Variants in BCL11A observed in about 807,000 individuals in gnomAD.
The protein encoded by BCL11A is BCL11 transcription factor A, also known as B cell CLL/lymphoma 11A.
In BCL11A, 2 loss-of-function variants were observed where a neutral mutation model predicts 55.9. The ratio of observed to expected loss-of-function variants is 0.04; its 90% CI spans 0.01 to 0.11. The LOEUF (loss-of-function observed/expected upper bound fraction) is 0.11. Among genes scored for constraint, BCL11A ranks in the 10% least tolerant of loss-of-function variants. The pLI, the probability that BCL11A is intolerant of heterozygous loss-of-function variation, is 1.00. For synonymous variants in BCL11A, 465 were observed against 473.4 expected (o/e 0.98, Z 0.23); for missense variants, 817 against 1,137.1 (o/e 0.72, Z 4.05).
downstream of BCL11A, among the ~76,000 whole-genome samples, chr2:60,453,232 A>C (rs1490424280): frequency 6.6e-6 from 1 of 152,222 alleles, no homozygotes; most frequent in African/African-American, 2.4e-5. Flanking sequence ...ATTGCACCAA[A>C]AACTGCCTGT....
Position 60,458,200 on chromosome 2 carries a change from GCATAGGAAT to G in BCL11A, c.*2195_*2203del. ...GAAAAAAGACCATAAATGTATTTTA[GCATAGGAAT>G]CAACATGAGTGTGCATTTTCCTATA... On this transcript the variant is annotated 3_prime_UTR_variant, in exon 4 of 4. Transcript: ENST00000642384. 1 of 1,022,976 alleles carries G rather than the reference GCATAGGAAT, an allele frequency of 9.8e-7. No homozygotes were observed. Among genetic ancestry groups the G allele is most frequent in the Non-Finnish European group, 1.2e-6 (1 of 851,950 alleles). The allele number at this position is 1,022,976 out of a possible 1,614,324, so 63.4% of individuals were successfully genotyped here. A position where few individuals can be genotyped will look rare whatever the true frequency, so the allele number is the denominator to read the frequency against.
chr2:60,550,316 G>A (rs558835842), intron 1 of BCL11A, among the ~76,000 whole-genome samples: 1 of 152,306 alleles, frequency 6.6e-6, no homozygotes, highest in Admixed American at 6.5e-5. Flanking sequence ...GCCCCGGCCA[G>A]AAGCATTTTT....
downstream of BCL11A, chr2:60,452,594 G>C (rs1265922527): frequency 5.6e-6 from 9 of 1,613,630 alleles, no homozygotes; most frequent in East Asian, 1.1e-4. Context: ...AAGGGCTCTC[G>C]AGCTTCCATC....
rs1677030812 is a variant in BCL11A at position 60,468,755 on chromosome 2, G to T, written c.464C>A (p.Ala155Glu). 1 of 1,612,438 alleles carries T rather than the reference G, an allele frequency of 6.2e-7. No individual in the cohort carries two copies. Among genetic ancestry groups the T allele is most frequent in the Non-Finnish European group, 8.5e-7 (1 of 1,179,180 alleles). The change falls in exon 3 of 4, where the codon GCA becomes GAA. Residue 155 changes from alanine (A) to glutamate (E), a missense_variant. Coordinates refer to ENST00000642384, the MANE Select transcript of BCL11A (RefSeq NM_022893.4). ...GALIPTPGMSAEYAPQGICKD... is the reference protein window; with the variant it reads ...GALIPTPGMSEEYAPQGICKD... ...ACAAATACCCTGCGGGGCATATTCT[G>T]CACTCATCCCAGGCGTGGGGATTAG...
At position 60,553,347 on chromosome 2, in the gene BCL11A, C is replaced by A. The variant is rs753725003; in HGVS notation, c.-77G>T. 7.5e-6 allele frequency: 11 copies of A among 1,461,780 alleles called. No homozygotes were observed. Among genetic ancestry groups the A allele is most frequent in the Non-Finnish European group, 9.2e-6 (10 of 1,087,296 alleles). The allele number at this position is 1,461,780 out of a possible 1,614,324, so 90.6% of individuals were successfully genotyped here. A position where few individuals can be genotyped will look rare whatever the true frequency, so the allele number is the denominator to read the frequency against. ...GACGGCTCGGTTCACATCGGGAGAGCCGGGTTAGAAAGAAGGAGACTCCAG... is the reference window on the plus strand; with the variant it reads ...GACGGCTCGGTTCACATCGGGAGAGACGGGTTAGAAAGAAGGAGACTCCAG... On this transcript the variant is annotated 5_prime_UTR_variant, in exon 1 of 4. Coordinates refer to ENST00000642384, the MANE Select transcript of BCL11A (RefSeq NM_022893.4).
chr2:60,545,465 C>T, intron 2 of BCL11A: 1 of 158,682 alleles, frequency 6.3e-6, no homozygotes, highest in Non-Finnish European at 1.4e-5. Flanking sequence ...CTCTTTCCAC[C>T]ACCTCCAACT....
At chr2:60,478,751 G>A (rs1313629223) in intron 2 of BCL11A, among the ~76,000 whole-genome samples, 1 of 152,218 alleles carries the variant, frequency 6.6e-6, no homozygotes, top group African/African-American at 2.4e-5. Flanking sequence ...GAATGAAGGA[G>A]CGCTCTGGTG....
rs567567156 is a variant in BCL11A at position 60,457,203 on chromosome 2, AT to A, written c.*3200del. 2.0e-6 allele frequency: 2 copies of A among 997,436 alleles called. No individual in the cohort carries two copies. Among genetic ancestry groups the A allele is most frequent in the Non-Finnish European group, 2.4e-6 (2 of 833,536 alleles). The allele number at this position is 997,436 out of a possible 1,614,324, so 61.8% of individuals were successfully genotyped here. A position where few individuals can be genotyped will look rare whatever the true frequency, so the allele number is the denominator to read the frequency against. On this transcript the variant is annotated 3_prime_UTR_variant, in exon 4 of 4. Coordinates refer to ENST00000642384, the MANE Select transcript of BCL11A (RefSeq NM_022893.4). ...CAAGAAGCTTACAATGTGTACTTTA[AT>A]TTTTTTTATTTTTTCAATAAAGGGA... is the stretch of plus-strand genomic sequence containing the variant.
At chr2:60,541,782 C>T in intron 2 of BCL11A, 3 of 560,664 alleles carry the variant, frequency 5.4e-6, no homozygotes. Flanking sequence ...TGAAAATTCA[C>T]TTCAGAAGTC....
downstream of BCL11A, among the ~76,000 whole-genome samples, chr2:60,454,253 T>C (rs979989569): frequency 2.0e-5 from 3 of 152,206 alleles, no homozygotes; most frequent in Non-Finnish European, 2.9e-5. Context: ...TGTGTTCTGA[T>C]GTCCATTTCT....
intron 1 of BCL11A, among the ~76,000 whole-genome samples, chr2:60,550,450 G>T (rs918285299): frequency 2.0e-5 from 3 of 152,170 alleles, no homozygotes; most frequent in African/African-American, 7.2e-5. Context: ...GAGAATCGCC[G>T]GGCAGGAGGT....
In BCL11A at chr2:60,546,346, G is replaced by C. The variant is rs199907978; in HGVS notation, c.56-46C>G. Reference sequence around the variant, plus strand: ...GCACAATTATTAGAGTGCCAGAGAGGACAGAAAGGGGAGAAGCACATCTCA... The same window carrying C: ...GCACAATTATTAGAGTGCCAGAGAGCACAGAAAGGGGAGAAGCACATCTCA... On this transcript the variant is annotated intron_variant, in intron 1 of 3. Coordinates refer to ENST00000642384, the MANE Select transcript of BCL11A (RefSeq NM_022893.4). The surrounding 1 kb of genome is among the most constrained non-coding windows in gnomAD (Gnocchi z 4.1). The C allele has an allele frequency of 5.2e-6, 8 of 1,534,688 alleles. No individual in the cohort carries two copies. Among genetic ancestry groups the C allele is most frequent in the Non-Finnish European group, 7.1e-6 (8 of 1,119,476 alleles).
At chr2:60,521,625 G>A (rs1668997772) in intron 2 of BCL11A, among the ~76,000 whole-genome samples, 1 of 152,160 alleles carries the variant, frequency 6.6e-6, no homozygotes, top group Non-Finnish European at 1.5e-5. Context: ...TCCCTTAAAG[G>A]GAAGGCTGCT....
chr2:60,476,097 G>A (rs779299757), intron 2 of BCL11A, among the ~76,000 whole-genome samples: 5 of 152,178 alleles, frequency 3.3e-5, no homozygotes, highest in South Asian at 2.1e-4. Flanking sequence ...ACTATAGGCC[G>A]TGCTAGAAGC....
intron 2 of BCL11A, among the ~76,000 whole-genome samples, chr2:60,529,452 T>G (rs1030373023): frequency 6.6e-6 from 1 of 152,226 alleles, no homozygotes; most frequent in Non-Finnish European, 1.5e-5. Flanking sequence ...AACCATTTTA[T>G]TTCGTGTAAT....
chr2:60,547,792 C>G (rs1027072140), intron 1 of BCL11A, among the ~76,000 whole-genome samples: 3 of 152,182 alleles, frequency 2.0e-5, no homozygotes, highest in African/African-American at 7.2e-5. Flanking sequence ...GGGGGAAGAT[C>G]TGGAGTAACT....
intron 1 of BCL11A, among the ~76,000 whole-genome samples, chr2:60,548,867 A>G (rs1233650877): frequency 6.6e-6 from 1 of 152,176 alleles, no homozygotes; most frequent in East Asian, 1.9e-4. Flanking sequence ...TTGCATTGAC[A>G]TCTTTTCTCA....
In BCL11A at chr2:60,459,873, T is replaced by C; in HGVS notation, c.*531A>G. On this transcript the variant is annotated 3_prime_UTR_variant, in exon 4 of 4. Transcript: ENST00000642384. ...TTAATCCAAAGACTGTTTTTCCTCCTCACGTTATAAAATAAAACTGTACAT... is the reference window on the plus strand; with the variant it reads ...TTAATCCAAAGACTGTTTTTCCTCCCCACGTTATAAAATAAAACTGTACAT... 1 of 1,048,340 alleles carries C rather than the reference T, an allele frequency of 9.5e-7. No individual in the cohort carries two copies. Among genetic ancestry groups the C allele is most frequent in the Non-Finnish European group, 1.2e-6 (1 of 868,452 alleles). 64.9% of individuals were successfully genotyped at this position (1,048,340 alleles called of 1,614,324 possible). A position where few individuals can be genotyped will look rare whatever the true frequency, so the allele number is the denominator to read the frequency against.
intron 2 of BCL11A, among the ~76,000 whole-genome samples, chr2:60,479,801 C>T (rs2104153110): frequency 6.6e-6 from 1 of 152,338 alleles, no homozygotes; most frequent in Middle Eastern, 3.4e-3. Flanking sequence ...GCCTCAGGCT[C>T]AAACCTGGCA....
Sources: gnomAD v4.1 joint callset for allele counts (sites outside exome capture counted in the v4.1 genomes callset) on GRCh38, gnomAD v4.1.1 for gene constraint, Gnocchi (gnomAD v3.1) non-coding constraint, MANE v1.5 for transcripts, NCBI Gene and HGNC (gene_info 2026-07-23, HGNC 2026-07-21) for gene names.